COL5A1: variants seen among roughly 807,000 people sequenced by gnomAD.
COL5A1 encodes the protein collagen type V alpha 1 chain, also known as collagen alpha-1(V) chain.
A neutral mutation model predicts 263.7 loss-of-function variants in COL5A1; 16 were observed. That is an observed-to-expected ratio of 0.06 (90% CI 0.04 to 0.09). The LOEUF is 0.09. Ranked by LOEUF, COL5A1 falls within the 10% of genes least tolerant of loss-of-function variation. The pLI is 1.00. For synonymous variants in COL5A1, 1,012 were observed against 1,004.5 expected, an observed-to-expected ratio of 1.01 and a Z score of -0.14; for missense variants, 2,036 against 2,540.5, an observed-to-expected ratio of 0.80 and a Z score of 4.27.
intron 44 of COL5A1, 153 bp downstream of exon 44, chr9:134,810,461 A>G (rs1479129924): frequency 1.4e-6 from 1 of 708,526 alleles, no homozygotes; most frequent in Admixed American, 2.5e-5. Context: ...TGTTCCCACA[A>G]CGTGTGTGTG....
chr9:134,719,104 C>G (rs1834364756), intron 4 of COL5A1, among the ~76,000 whole-genome samples: 1 of 152,170 alleles, frequency 6.6e-6, no homozygotes, highest in East Asian at 1.9e-4. Flanking sequence ...GAACTGTGGG[C>G]TGTTGTTGAG....
intron 11 of COL5A1, among the ~76,000 whole-genome samples, chr9:134,745,601 T>C (rs1329950444): frequency 6.6e-6 from 1 of 152,102 alleles, no homozygotes; most frequent in Non-Finnish European, 1.5e-5. Context: ...CCGCTTCCAG[T>C]CTTTTAGATG....
intron 1 of COL5A1, among the ~76,000 whole-genome samples, chr9:134,655,198 G>A (rs1048744146): frequency 6.6e-6 from 1 of 151,670 alleles, no homozygotes; most frequent in Non-Finnish European, 1.5e-5. Flanking sequence ...CTGGGGTTGT[G>A]TTGGGCCGGG....
Position 134,789,183 on chromosome 9 carries a change from G to T in COL5A1, c.2675G>T (p.Gly892Val), listed in dbSNP as rs763384088. Residue 892 changes from glycine to valine, a missense_variant, in exon 32 of 66, where the codon GGC becomes GTC. Gly to Val is a moderately radical substitution (Grantham distance 109, BLOSUM62 -3). This residue lies in a region of COL5A1 where 1,078 missense variants were observed against 1,521.4 expected (regional missense o/e 0.71). Coordinates refer to ENST00000371817, the MANE Select transcript of COL5A1 (RefSeq NM_000093.5). The surrounding 1 kb of genome is among the most constrained non-coding windows in gnomAD (Gnocchi z 4.8). ...KGSIGFPGFPGANGEKGGRGT... is the reference protein window; with the variant it reads ...KGSIGFPGFPVANGEKGGRGT... ...TCTATTGGATTCCCTGGATTTCCTG[G>T]CGCCAATGGAGAGAAGGGCGGCAGG... The T allele has an allele frequency of 3.7e-6, 6 of 1,613,098 alleles. No homozygotes were observed. Among genetic ancestry groups the T allele is most frequent in the Non-Finnish European group, 4.2e-6 (5 of 1,179,960 alleles).
rs568150350 is a variant in COL5A1, at chr9:134,801,924, A to G, written c.2953-30A>G. On this transcript the variant is annotated intron_variant, in intron 37 of 65. Coordinates refer to ENST00000371817, the MANE Select transcript of COL5A1 (RefSeq NM_000093.5). ...GCAGGGTGGCGCAGGCCACTGCAGC[A>G]CCGTCAGTGCAGTGACTCTCTCTTC... 2.5e-6 allele frequency: 4 copies of G among 1,607,432 alleles called. No individual in the cohort carries two copies. The African/African-American group carries it at 5.3e-5, about 21-fold the overall frequency.
At chr9:134,648,285 C>T (rs564282236) in intron 1 of COL5A1, among the ~76,000 whole-genome samples, 1 of 139,554 alleles carries the variant, frequency 7.2e-6, no homozygotes, top group South Asian at 2.2e-4. Context: ...ACTTAATAAA[C>T]TCCTATATAT....
chr9:134,806,212 A>G lies in COL5A1; in HGVS notation c.3282A>G (p.Pro1094=). The change falls in exon 42 of 66, where the codon CCA becomes CCG. Residue 1094 remains proline (P), a synonymous_variant. Coordinates refer to ENST00000371817, the MANE Select transcript of COL5A1 (RefSeq NM_000093.5). ...AGGGATCTCCAGGGGAGAGAGGTCC[A>G]GCTGGAGCCGCTGGGCCCATCGGAA... ...GPAGSPGERG[P]AGAAGPIGIP... is the part of the protein sequence containing the mutation. 2 of 1,550,798 alleles carry G rather than the reference A, an allele frequency of 1.3e-6. No homozygotes were observed. Among genetic ancestry groups the G allele is most frequent in the Non-Finnish European group, 8.7e-7 (1 of 1,146,884 alleles).
At chr9:134,662,825 A>G (rs1239718659) in intron 1 of COL5A1, among the ~76,000 whole-genome samples, 1 of 152,160 alleles carries the variant, frequency 6.6e-6, no homozygotes, top group Non-Finnish European at 1.5e-5. Context: ...TGTTAATTAC[A>G]TCTTCCTCGG....
chr9:134,708,660 G>A (rs1360857987), intron 4 of COL5A1: 3 of 518,746 alleles, frequency 5.8e-6, no homozygotes, highest in South Asian at 4.2e-5. Flanking sequence ...CCCTTGTCGT[G>A]TCTTCAGCTC....
chr9:134,841,463 C>CTG lies in COL5A1; in HGVS notation c.5371-692_5371-691dup, dbSNP rs1441328944. Among the ~76,000 whole-genome samples the CTG allele has an allele frequency of 2.0e-5, 3 of 152,260 alleles. No homozygotes were observed. Among genetic ancestry groups the CTG allele is most frequent in the Admixed American group, 2.0e-4 (3 of 15,298 alleles). On this transcript the variant is annotated intron_variant, in intron 65 of 65. Coordinates refer to ENST00000371817, the MANE Select transcript of COL5A1 (RefSeq NM_000093.5). The surrounding 1 kb of genome is among the most constrained non-coding windows in gnomAD (Gnocchi z 4.8). ...CCACATCCCAGCGCCCAGGGTTGTGCTGTTTTGAGCAAGGGATGGGTGCTG... is the reference window on the plus strand; with the variant it reads ...CCACATCCCAGCGCCCAGGGTTGTGCTGTGTTTTGAGCAAGGGATGGGTGCTG...
At chr9:134,809,117 T>G in intron 42 of COL5A1, 66 bp from the exon 43 acceptor site, 416 of 1,312,836 alleles carry the variant, frequency 3.2e-4, no homozygotes, top group Non-Finnish European at 4.2e-4. Context: ...TCTTGGGTAA[T>G]GAGCTGGTGG....
intron 21 of COL5A1, among the ~76,000 whole-genome samples, chr9:134,766,065 C>G (rs1836650588): frequency 6.6e-6 from 1 of 152,226 alleles, no homozygotes; most frequent in Admixed American, 6.5e-5. Context: ...CTAGAAAGAA[C>G]TTCCAGCAGC....
At position 134,782,157 on chromosome 9, in the gene COL5A1, CG is replaced by C. The variant is rs763379574; in HGVS notation, c.2431-509del. Among the ~76,000 whole-genome samples the C allele has an allele frequency of 8.1e-4, 124 of 152,336 alleles. No individual in the cohort carries two copies. In the Middle Eastern group the frequency reaches 0.024, roughly 29 times the overall value. ...ACCAGTAACCCAGGGGTGCGCGGGC[CG>C]CTGACTTCCCCCGCCACCCCCGGCA... On this transcript the variant is annotated intron_variant, in intron 28 of 65. Coordinates refer to ENST00000371817, the MANE Select transcript of COL5A1 (RefSeq NM_000093.5).
At chr9:134,745,576 C>CT (rs1835481087) in intron 11 of COL5A1, among the ~76,000 whole-genome samples, 1 of 152,142 alleles carries the variant, frequency 6.6e-6, no homozygotes, top group Non-Finnish European at 1.5e-5. Flanking sequence ...AGGCATCAGG[C>CT]TTCTTGATAG....
At chr9:134,810,507 G>C in intron 44 of COL5A1, 199 bp downstream of exon 44, 1 of 591,028 alleles carries the variant, frequency 1.7e-6, no homozygotes, top group Non-Finnish European at 3.0e-6. Flanking sequence ...GAGTCTCTCT[G>C]TGTTAGAATG....
At chr9:134,730,165 G>A (rs557601856) in intron 6 of COL5A1, 71 bp from the exon 7 acceptor site, 461 of 1,596,046 alleles carry the variant, frequency 2.9e-4, no homozygotes, top group Non-Finnish European at 3.5e-4. Context: ...CCGGACATGC[G>A]GCAAGTCCCA....
intron 29 of COL5A1, 115 bp downstream of exon 29, chr9:134,782,835 CTTGG>C: frequency 9.5e-7 from 1 of 1,047,866 alleles, no homozygotes; most frequent in Non-Finnish European, 1.5e-6. Flanking sequence ...GAGGTAAACT[CTTGG>C]TAGAGATTCC....
chr9:134,770,040 C>T (rs1262508000), intron 25 of COL5A1, among the ~76,000 whole-genome samples: 2 of 152,134 alleles, frequency 1.3e-5, no homozygotes, highest in Non-Finnish European at 2.9e-5. Context: ...TTCCCCAGCC[C>T]GAATTTAAAG....
intron 63 of COL5A1, among the ~76,000 whole-genome samples, chr9:134,829,094 G>A (rs921768190): frequency 6.6e-6 from 1 of 152,008 alleles, no homozygotes; most frequent in African/African-American, 2.4e-5. Flanking sequence ...GTAAATGCTG[G>A]CTTTTATTAC....
Sources: gnomAD v4.1 joint callset for allele counts (sites outside exome capture counted in the v4.1 genomes callset) on GRCh38, gnomAD v4.1.1 for gene constraint, gnomAD v4.1.1 regional missense constraint, Gnocchi (gnomAD v3.1) non-coding constraint, MANE v1.5 for transcripts, NCBI Gene and HGNC (gene_info 2026-07-23, HGNC 2026-07-21) for gene names.